Variants in NCKAP5 observed in about 807,000 individuals in gnomAD.
The protein encoded by NCKAP5 is NCK associated protein 5.
NCKAP5 carries 92 observed loss-of-function variants against 167.0 expected under a neutral mutation model. The ratio of observed to expected loss-of-function variants is 0.55; its 90% CI spans 0.47 to 0.66. The LOEUF (loss-of-function observed/expected upper bound fraction) is 0.66. NCKAP5 is among the 30% of genes least tolerant of loss of function. The probability of loss-of-function intolerance (pLI) is 0.00; values close to 1 mark genes in which losing one functional copy is unlikely to be tolerated. For synonymous variants in NCKAP5, 891 were observed against 877.4 expected, an observed-to-expected ratio of 1.02 and a Z score of -0.27; for missense variants, 2,378 against 2,315.0, an observed-to-expected ratio of 1.03 and a Z score of -0.56.
In NCKAP5 at chr2:132,832,870, T is replaced by C. The variant is rs933044894; in HGVS notation, c.807+27622A>G. Among the ~76,000 whole-genome samples the C allele has an allele frequency of 4.6e-5, 7 of 152,164 alleles. No individual in the cohort carries two copies. The East Asian group carries it at 5.8e-4, about 13-fold the overall frequency. ...TTTTTGTATACGGATTTATTTTCCT[T>C]TGGGTAGATAGCCAGTAGTGGGATT... On this transcript the variant is annotated intron_variant, in intron 11 of 19. Transcript: ENST00000409261.
chr2:133,327,631 G>A (rs959061206), intron 3 of NCKAP5, among the ~76,000 whole-genome samples: 9 of 152,158 alleles, frequency 5.9e-5, no homozygotes, highest in Non-Finnish European at 1.0e-4. Context: ...CATCTAGGAT[G>A]TAGGAAAACA....
At chr2:133,670,842 T>C in the NCKAP5 span, among the ~76,000 whole-genome samples, 2 of 152,210 alleles carry the variant, frequency 1.3e-5, no homozygotes, top group African/African-American at 4.8e-5. Flanking sequence ...TTTCTGCTGT[T>C]CCTGCCAGAG....
intron 11 of NCKAP5, among the ~76,000 whole-genome samples, chr2:132,853,053 G>T (rs1277491823): frequency 1.3e-5 from 2 of 152,186 alleles, no homozygotes; most frequent in African/African-American, 4.8e-5. Flanking sequence ...TATTCTGGCT[G>T]TCCCATGAAT....
intron 6 of NCKAP5, among the ~76,000 whole-genome samples, chr2:133,092,603 G>T (rs58243416): frequency 6.6e-6 from 1 of 151,914 alleles, no homozygotes; most frequent in Admixed American, 6.6e-5. Context: ...TTTTTTCAAC[G>T]TCATTTCATT....
intron 3 of NCKAP5, among the ~76,000 whole-genome samples, chr2:133,315,707 T>G (rs1205610320): frequency 2.6e-5 from 4 of 151,374 alleles, no homozygotes; most frequent in Non-Finnish European, 5.9e-5. Flanking sequence ...GAAAGTAGTG[T>G]TAAATACAAT....
At chr2:133,608,135 A>G in the NCKAP5 span, among the ~76,000 whole-genome samples, 23 of 152,310 alleles carry the variant, frequency 1.5e-4, no homozygotes, top group Non-Finnish European at 3.2e-4. Context: ...TGGAACTCTT[A>G]AAAATATGGC....
the NCKAP5 span, among the ~76,000 whole-genome samples, chr2:133,665,898 G>C: frequency 1.2e-3 from 176 of 150,628 alleles, 3 homozygotes; most frequent in African/African-American, 4.2e-3. Context: ...TTGATTCACA[G>C]TTGTTAATGG....
intron 3 of NCKAP5, among the ~76,000 whole-genome samples, chr2:133,449,561 GA>G (rs1691417336): frequency 6.6e-6 from 1 of 152,134 alleles, no homozygotes; most frequent in Admixed American, 6.5e-5. Flanking sequence ...TCCACCTTGA[GA>G]ATTCTTTGAA....
At chr2:133,601,140 A>C in the NCKAP5 span, among the ~76,000 whole-genome samples, 1 of 152,170 alleles carries the variant, frequency 6.6e-6, no homozygotes, top group Non-Finnish European at 1.5e-5. Flanking sequence ...GGGGAGTCCA[A>C]CTGTGTGGTT....
intron 8 of NCKAP5, among the ~76,000 whole-genome samples, chr2:132,896,299 G>A (rs983713994): frequency 6.6e-6 from 1 of 152,220 alleles, no homozygotes; most frequent in African/African-American, 2.4e-5. Flanking sequence ...AAAAGTGGGT[G>A]GATGATGTTT....
At chr2:133,635,247 T>G in the NCKAP5 span, among the ~76,000 whole-genome samples, 1 of 152,188 alleles carries the variant, frequency 6.6e-6, no homozygotes, top group African/African-American at 2.4e-5. Flanking sequence ...AGGTTATAAA[T>G]ACTTGAAAGC....
the NCKAP5 span, among the ~76,000 whole-genome samples, chr2:133,605,079 A>G: frequency 6.6e-6 from 1 of 152,136 alleles, no homozygotes; most frequent in Non-Finnish European, 1.5e-5. Flanking sequence ...ATACAGATTT[A>G]TCTACCTCCC....
At chr2:133,122,562 A>G (rs1003227302) in intron 6 of NCKAP5, 1 of 152,202 alleles carries the variant, frequency 6.6e-6, no homozygotes, top group Non-Finnish European at 1.5e-5. Flanking sequence ...TCTTGGTTAT[A>G]TGTTCACAGC....
At position 132,912,490 on chromosome 2, in the gene NCKAP5, A is replaced by G. The variant is rs149408843; in HGVS notation, c.580-33574T>C. On this transcript the variant is annotated intron_variant, in intron 8 of 19. Coordinates refer to ENST00000409261, the MANE Select transcript of NCKAP5 (RefSeq NM_207363.3). ...GACATCATAGTTGCTCATTCAATGA[A>G]CATTCTGATATCTTATTTCCTAAAC... Among the ~76,000 whole-genome samples the G allele has an allele frequency of 2.6e-5, 4 of 152,320 alleles. No individual in the cohort carries two copies. In the South Asian group the frequency reaches 8.3e-4, roughly 32 times the overall value.
intron 7 of NCKAP5, among the ~76,000 whole-genome samples, chr2:132,989,909 G>C (rs1243490334): frequency 2.6e-5 from 4 of 152,104 alleles, no homozygotes; most frequent in African/African-American, 9.7e-5. Context: ...ATCTCCTTTA[G>C]TGGCTATTGG....
chr2:133,496,181 T>C (rs2151372981), intron 3 of NCKAP5, among the ~76,000 whole-genome samples: 1 of 152,238 alleles, frequency 6.6e-6, no homozygotes, highest in East Asian at 1.9e-4. Flanking sequence ...ACAAAGAAAA[T>C]AAAATCTTGC....
intron 3 of NCKAP5, among the ~76,000 whole-genome samples, chr2:133,394,277 T>C (rs1304696555): frequency 6.6e-6 from 1 of 152,222 alleles, no homozygotes; most frequent in Non-Finnish European, 1.5e-5. Context: ...TGTGTCTATA[T>C]GGTAAATACC....
At chr2:132,950,352 TATC>T (rs907509265) in intron 8 of NCKAP5, among the ~76,000 whole-genome samples, 1 of 152,204 alleles carries the variant, frequency 6.6e-6, no homozygotes, top group Admixed American at 6.5e-5. Context: ...AATGTTATAA[TATC>T]ATTATTATTC....
chr2:133,526,331 G>A (rs1383575608), intron 2 of NCKAP5, among the ~76,000 whole-genome samples: 2 of 94,282 alleles, frequency 2.1e-5, no homozygotes, highest in African/African-American at 8.3e-5. Context: ...GAGGGAAGGA[G>A]GGAGGGAGGG....
Sources: allele counts gnomAD v4.1 joint callset (sites outside exome capture counted in the v4.1 genomes callset), GRCh38; gene constraint gnomAD v4.1.1; transcripts MANE v1.5; gene names NCBI Gene and HGNC (gene_info 2026-07-23, HGNC 2026-07-21).